Variants in GRID1 observed in about 807,000 individuals in gnomAD.
GRID1 encodes the protein glutamate receptor ionotropic, delta-1.
GRID1 carries 28 observed loss-of-function variants against 98.0 expected under a neutral mutation model. The ratio of observed to expected loss-of-function variants is 0.29; its 90% confidence interval spans 0.21 to 0.39. GRID1 has a LOEUF of 0.39. Among genes scored for constraint, GRID1 ranks in the 10% least tolerant of loss-of-function variants. The pLI is 1.00. For synonymous variants in GRID1, 553 were observed against 538.5 expected (o/e 1.03, Z -0.37); for missense variants, 1,111 against 1,340.5 (o/e 0.83, Z 2.67).
intron 4 of GRID1, among the ~76,000 whole-genome samples, chr10:85,997,319 A>G (rs1401451285): frequency 1.2e-4 from 18 of 152,094 alleles, no homozygotes; most frequent in Admixed American, 1.2e-3. Flanking sequence ...GAACTGCTTG[A>G]ACCTGGGAGG....
At chr10:85,612,723 G>T (rs1009059507) in intron 15 of GRID1, among the ~76,000 whole-genome samples, 1 of 151,360 alleles carries the variant, frequency 6.6e-6, no homozygotes, top group Admixed American at 6.6e-5. Context: ...CTTGGTGAAG[G>T]CTTTATTTCA....
chr10:85,657,070 T>C (rs1166026774), intron 12 of GRID1, among the ~76,000 whole-genome samples: 1 of 152,200 alleles, frequency 6.6e-6, no homozygotes, highest in Admixed American at 6.5e-5. Context: ...TTGGGGTTTC[T>C]GTGGTTGTTT....
chr10:85,660,272 C>T (rs904771801), intron 12 of GRID1, among the ~76,000 whole-genome samples: 4 of 152,146 alleles, frequency 2.6e-5, no homozygotes, highest in African/African-American at 9.7e-5. Flanking sequence ...GTTTTTTGTT[C>T]TTTGAGGTAA....
At chr10:85,719,936 A>T (rs957700345) in intron 12 of GRID1, among the ~76,000 whole-genome samples, 1 of 152,254 alleles carries the variant, frequency 6.6e-6, no homozygotes, top group Non-Finnish European at 1.5e-5. Context: ...ACAAATTTCT[A>T]AATTTGACCT....
chr10:86,337,564 C>A (rs1848240744), intron 2 of GRID1, among the ~76,000 whole-genome samples: 2 of 152,128 alleles, frequency 1.3e-5, no homozygotes, highest in Non-Finnish European at 2.9e-5. Flanking sequence ...AAGGGAGAAC[C>A]CCAGAGGTCA....
At chr10:85,828,869 C>T (rs1394392535) in intron 8 of GRID1, among the ~76,000 whole-genome samples, 2 of 152,030 alleles carry the variant, frequency 1.3e-5, no homozygotes, top group African/African-American at 2.4e-5. Flanking sequence ...AGCTGAATTC[C>T]ACCAGGTGTA....
chr10:85,696,153 T>C (rs144712704), intron 12 of GRID1, among the ~76,000 whole-genome samples: 116 of 152,280 alleles, frequency 7.6e-4, no homozygotes, highest in Middle Eastern at 3.4e-3. Context: ...AAGCATTGGT[T>C]CTACAATAGG....
At chr10:86,333,295 T>C (rs1848175511) in intron 2 of GRID1, among the ~76,000 whole-genome samples, 1 of 152,214 alleles carries the variant, frequency 6.6e-6, no homozygotes, top group South Asian at 2.1e-4. Flanking sequence ...CAGGAAGCCT[T>C]CCCTAACTTC....
chr10:85,728,967 A>T (rs539133390), intron 9 of GRID1, among the ~76,000 whole-genome samples: 2 of 152,318 alleles, frequency 1.3e-5, no homozygotes, highest in South Asian at 4.1e-4. Context: ...AAAATGTGAA[A>T]AAAGCAATTG....
chr10:85,850,291 C>T (rs1202352655), intron 8 of GRID1, among the ~76,000 whole-genome samples: 1 of 152,194 alleles, frequency 6.6e-6, no homozygotes, highest in Non-Finnish European at 1.5e-5. Flanking sequence ...TTCCTCTGGG[C>T]TATAACTAGT....
chr10:86,270,364 T>A (rs1266798682), intron 2 of GRID1, among the ~76,000 whole-genome samples: 1 of 148,254 alleles, frequency 6.7e-6, no homozygotes, highest in African/African-American at 2.5e-5. Flanking sequence ...CCCTCCATCA[T>A]TAAATGAGCT....
intron 2 of GRID1, among the ~76,000 whole-genome samples, chr10:86,266,995 C>T (rs1031010121): frequency 1.3e-5 from 2 of 152,198 alleles, no homozygotes; most frequent in Non-Finnish European, 2.9e-5. Context: ...GTGAGGCTCT[C>T]TGTGTGCCTA....
chr10:85,620,113 G>T, intron 13 of GRID1, 80 bp from the exon 14 acceptor site: 1 of 1,160,274 alleles, frequency 8.6e-7, no homozygotes, highest in South Asian at 1.4e-5. Flanking sequence ...TCTTGATGGT[G>T]GGATTTGAGG....
intron 2 of GRID1, among the ~76,000 whole-genome samples, chr10:86,211,034 C>T (rs1169106115): frequency 6.6e-6 from 1 of 152,210 alleles, no homozygotes; most frequent in African/African-American, 2.4e-5. Flanking sequence ...TACTGGTTGG[C>T]TTTCTCTTTA....
At chr10:85,829,800 A>G (rs111414108) in intron 8 of GRID1, among the ~76,000 whole-genome samples, 10 of 152,272 alleles carry the variant, frequency 6.6e-5, no homozygotes, top group South Asian at 2.1e-4. Context: ...GAAATCCAAG[A>G]TGACACAAAC....
chr10:86,241,788 G>T (rs1846640484), intron 2 of GRID1, among the ~76,000 whole-genome samples: 4 of 152,180 alleles, frequency 2.6e-5, no homozygotes, highest in Admixed American at 2.6e-4. Context: ...GCCCCTGGGA[G>T]GCCATCACCT....
Position 85,599,821 on chromosome 10 carries a change from A to ATATATATATATATATATATATATATATAT in GRID1, c.*2451_*2452insATATATATATATATATATATATATATATA, listed in dbSNP as rs1470286241. On this transcript the variant is annotated 3_prime_UTR_variant, in exon 16 of 16. Transcript: ENST00000327946. Reference sequence around the variant, plus strand: ...AAAAAAAATATATATATATATATATAAACATGGTGAAGAATAACACCATGA... The same window carrying ATATATATATATATATATATATATATATAT: ...AAAAAAAATATATATATATATATATATATATATATATATATATATATATATATATAACATGGTGAAGAATAACACCATGA... The ATATATATATATATATATATATATATATAT allele has an allele frequency of 1.9e-4, 25 of 129,302 alleles. No individual in the cohort carries two copies. The highest frequency in any genetic ancestry group is 4.0e-4 in the African/African-American group (13 of 32,116). 8.0% of individuals were successfully genotyped at this position (129,302 alleles called of 1,614,324 possible).
At chr10:86,037,044 T>C (rs1843274974) in intron 4 of GRID1, among the ~76,000 whole-genome samples, 1 of 152,246 alleles carries the variant, frequency 6.6e-6, no homozygotes, top group African/African-American at 2.4e-5. Flanking sequence ...AGATGTGTTA[T>C]TCAAGGTACT....
intron 4 of GRID1, among the ~76,000 whole-genome samples, chr10:86,096,830 A>G (rs1844227590): frequency 6.6e-6 from 1 of 152,220 alleles, no homozygotes; most frequent in South Asian, 2.1e-4. Flanking sequence ...TATGCTCTAA[A>G]TCAGCACCCA....
Sources: allele counts gnomAD v4.1 joint callset (sites outside exome capture counted in the v4.1 genomes callset), GRCh38; gene constraint gnomAD v4.1.1; transcripts MANE v1.5; gene names NCBI Gene and HGNC (gene_info 2026-07-23, HGNC 2026-07-21).